Variants in ADK observed in about 807,000 individuals in gnomAD.
ADK encodes adenosine kinase, also known as N6,N6-dimethyladenosine kinase.
In ADK, 24 loss-of-function variants were observed where a neutral mutation model predicts 44.7. The ratio of observed to expected loss-of-function variants is 0.54; its 90% CI spans 0.39 to 0.76. ADK has a LOEUF of 0.76. Ranked by LOEUF, ADK falls within the 30% of genes least tolerant of loss-of-function variation. ADK has a pLI of 0.00. For missense variants in ADK, 321 were observed against 425.1 expected, an observed-to-expected ratio of 0.76 and a Z score of 2.15; for synonymous variants, 128 against 142.6, an observed-to-expected ratio of 0.90 and a Z score of 0.73.
intron 3 of ADK, among the ~76,000 whole-genome samples, chr10:74,291,060 T>A (rs1161642150): frequency 8.5e-5 from 13 of 152,170 alleles, no homozygotes; most frequent in Admixed American, 8.5e-4. Flanking sequence ...TTATTGCCCA[T>A]ATGTAAAATA....
intron 6 of ADK, among the ~76,000 whole-genome samples, chr10:74,504,854 T>C (rs1028632706): frequency 1.3e-5 from 2 of 152,168 alleles, no homozygotes; most frequent in African/African-American, 2.4e-5. Flanking sequence ...CATGATTGTG[T>C]TTCCTGAGGC....
At chr10:74,467,530 A>T (rs1446287627) in intron 6 of ADK, among the ~76,000 whole-genome samples, 2 of 152,170 alleles carry the variant, frequency 1.3e-5, no homozygotes, top group African/African-American at 4.8e-5. Flanking sequence ...TTTACTTAAT[A>T]CATTCATTTC....
chr10:74,624,412 CA>C (rs1438226495), intron 9 of ADK, among the ~76,000 whole-genome samples: 23 of 151,942 alleles, frequency 1.5e-4, no homozygotes, highest in Admixed American at 1.5e-3. Context: ...GTTTAATAAA[CA>C]ATTCTAAAAT....
At chr10:74,344,553 G>T in intron 4 of ADK, 1 of 244,594 alleles carries the variant, frequency 4.1e-6, no homozygotes, top group Non-Finnish European at 8.9e-6. Flanking sequence ...ATCATGGTTG[G>T]CCAAGTAGTC....
At chr10:74,508,585 T>C (rs563423186) in intron 6 of ADK, among the ~76,000 whole-genome samples, 1 of 152,312 alleles carries the variant, frequency 6.6e-6, no homozygotes, top group South Asian at 2.1e-4. Context: ...CAGAGTCACA[T>C]AGTTAATAAG....
chr10:74,569,852 C>T (rs1247253742), intron 7 of ADK, among the ~76,000 whole-genome samples: 3 of 152,146 alleles, frequency 2.0e-5, no homozygotes, highest in African/African-American at 7.2e-5. Flanking sequence ...CTTGCCCATG[C>T]CTATGTCCTG....
intron 6 of ADK, among the ~76,000 whole-genome samples, chr10:74,451,934 G>A (rs1845796374): frequency 6.6e-6 from 1 of 151,164 alleles, no homozygotes; most frequent in South Asian, 2.1e-4. Context: ...TGGGAAAGTG[G>A]GCTTGAAAAA....
intron 6 of ADK, among the ~76,000 whole-genome samples, chr10:74,493,432 C>CTATA (rs138316558): frequency 5.0e-4 from 74 of 146,590 alleles, no homozygotes; most frequent in African/African-American, 1.6e-3. Flanking sequence ...TAGACCTCAT[C>CTATA]TATATATATA....
At chr10:74,607,561 C>T (rs1852369967) in intron 9 of ADK, among the ~76,000 whole-genome samples, 1 of 152,160 alleles carries the variant, frequency 6.6e-6, no homozygotes, top group South Asian at 2.1e-4. Flanking sequence ...TGTTGGTCCT[C>T]ACTCTCTTCT....
chr10:74,488,311 A>G (rs1285523374), intron 6 of ADK, among the ~76,000 whole-genome samples: 2 of 151,594 alleles, frequency 1.3e-5, no homozygotes, highest in East Asian at 1.9e-4. Flanking sequence ...CTTGGTCAGT[A>G]TGTATCATAA....
At chr10:74,619,781 C>T (rs982158043) in intron 9 of ADK, among the ~76,000 whole-genome samples, 7 of 152,050 alleles carry the variant, frequency 4.6e-5, no homozygotes, top group South Asian at 4.1e-4. Flanking sequence ...AGTGCAGTGG[C>T]GTGATCACAG....
chr10:74,321,590 A>G (rs1197952003), intron 4 of ADK, among the ~76,000 whole-genome samples: 1 of 152,150 alleles, frequency 6.6e-6, no homozygotes, highest in Non-Finnish European at 1.5e-5. Context: ...ATAATTTCTA[A>G]TCTGCTTTTA....
intron 10 of ADK, among the ~76,000 whole-genome samples, chr10:74,678,599 A>C (rs1855491242): frequency 6.6e-6 from 1 of 152,242 alleles, no homozygotes; most frequent in Admixed American, 6.5e-5. Context: ...GACAGTCTGA[A>C]CCATGTAGGC....
At chr10:74,171,980 T>C (rs1413885254) in intron 1 of ADK, among the ~76,000 whole-genome samples, 1 of 152,192 alleles carries the variant, frequency 6.6e-6, no homozygotes, top group Non-Finnish European at 1.5e-5. Context: ...TTATTGACTC[T>C]GAAAGATCAC....
At chr10:74,365,300 C>T (rs758656849) in intron 4 of ADK, among the ~76,000 whole-genome samples, 2 of 152,180 alleles carry the variant, frequency 1.3e-5, no homozygotes, top group South Asian at 2.1e-4. Flanking sequence ...CAGCTAGCCC[C>T]GTTCATCCAT....
chr10:74,389,137 C>A (rs1237256202), intron 4 of ADK, among the ~76,000 whole-genome samples: 2 of 152,150 alleles, frequency 1.3e-5, no homozygotes, highest in Non-Finnish European at 2.9e-5. Flanking sequence ...GCCTGCTACT[C>A]ACTCATGGCC....
chr10:74,369,263 G>A (rs981222677), intron 4 of ADK, among the ~76,000 whole-genome samples: 1 of 152,154 alleles, frequency 6.6e-6, no homozygotes, highest in South Asian at 2.1e-4. Context: ...AGCTGAGGTG[G>A]GAGGATTATT....
intron 6 of ADK, among the ~76,000 whole-genome samples, chr10:74,440,646 C>T (rs1350770218): frequency 6.6e-6 from 1 of 151,976 alleles, no homozygotes; most frequent in Non-Finnish European, 1.5e-5. Flanking sequence ...ATCATCTAAA[C>T]ATGAAAAATC....
At chr10:74,510,889 G>A (rs76986630) in intron 6 of ADK, among the ~76,000 whole-genome samples, 2 of 152,060 alleles carry the variant, frequency 1.3e-5, no homozygotes, top group Non-Finnish European at 2.9e-5. Flanking sequence ...TATATTTTTT[G>A]TAGAGATAGG....
Sources: allele counts gnomAD v4.1 joint callset (sites outside exome capture counted in the v4.1 genomes callset), GRCh38; gene constraint gnomAD v4.1.1; transcripts MANE v1.5; gene names NCBI Gene and HGNC (gene_info 2026-07-23, HGNC 2026-07-21).